Variants in EFCAB6 observed in about 807,000 individuals in gnomAD.
The protein encoded by EFCAB6 is EF-hand calcium-binding domain-containing protein 6.
Under a neutral mutation model 169.8 loss-of-function variants are expected in EFCAB6, and 156 were observed. The ratio of observed to expected loss-of-function variants is 0.92; its 90% CI spans 0.81 to 1.05. The LOEUF (loss-of-function observed/expected upper bound fraction) is 1.05, where lower values mean the gene tolerates loss of function less well. Among genes scored for constraint, EFCAB6 ranks in the 50% least tolerant of loss-of-function variants. The probability of loss-of-function intolerance (pLI) is 0.00; values close to 1 mark genes in which losing one functional copy is unlikely to be tolerated. For missense variants in EFCAB6, 1,800 were observed against 1,829.1 expected (o/e 0.98, Z 0.29); for synonymous variants, 698 against 676.4 (o/e 1.03, Z -0.50).
intron 21 of EFCAB6, among the ~76,000 whole-genome samples, chr22:43,609,159 T>C (rs1363475150): frequency 6.6e-6 from 1 of 152,228 alleles, no homozygotes; most frequent in Non-Finnish European, 1.5e-5. Flanking sequence ...TTTAATCTTC[T>C]TCATAACAAC....
chr22:43,612,644 C>A (rs1165334875), intron 21 of EFCAB6, among the ~76,000 whole-genome samples: 2 of 152,116 alleles, frequency 1.3e-5, no homozygotes, highest in Non-Finnish European at 2.9e-5. Flanking sequence ...GTAATTCCAG[C>A]ACTTTGGGAG....
At chr22:43,721,869 C>T (rs2059540455) in intron 8 of EFCAB6, among the ~76,000 whole-genome samples, 1 of 151,960 alleles carries the variant, frequency 6.6e-6, no homozygotes, top group Non-Finnish European at 1.5e-5. Context: ...AAAGCAATTG[C>T]AACAAAAATA....
chr22:43,642,778 T>A (rs76890266), intron 17 of EFCAB6, among the ~76,000 whole-genome samples: 2,853 of 152,210 alleles, frequency 0.019, 92 homozygotes, highest in African/African-American at 0.065. Flanking sequence ...GGGGTGACAA[T>A]CAAGACGCCA....
chr22:43,541,442 G>A (rs371913916), intron 27 of EFCAB6, among the ~76,000 whole-genome samples: 2 of 152,188 alleles, frequency 1.3e-5, no homozygotes, highest in African/African-American at 4.8e-5. Flanking sequence ...AGTACAGTGA[G>A]GTCCCTGCAC....
intron 8 of EFCAB6, among the ~76,000 whole-genome samples, chr22:43,724,372 T>TC (rs963024857): frequency 1.3e-5 from 2 of 148,232 alleles, no homozygotes; most frequent in African/African-American, 2.5e-5. Context: ...TTTTTCTTTT[T>TC]TTTTTTTTTT....
rs1569257466 is a variant in EFCAB6, at chr22:43,618,218, GAAAGA to G, written c.2466-2301_2466-2297del. Among the ~76,000 whole-genome samples, 162 of 135,726 alleles carry G rather than the reference GAAAGA, an allele frequency of 1.2e-3. 6 individuals carry two copies. Among genetic ancestry groups the G allele is most frequent in the South Asian group, 5.2e-3 (20 of 3,864 alleles). 89.0% of individuals were successfully genotyped at this position (135,726 alleles called of 152,430 possible). On this transcript the variant is annotated intron_variant, in intron 20 of 31. Coordinates refer to ENST00000262726, the MANE Select transcript of EFCAB6 (RefSeq NM_022785.4). ...AGAAAGAAAGAAAGAAAGAAAGAAA[GAAAGA>G]GAAAGAAAGAAAGAGAGAGAAAGAG... is the stretch of plus-strand genomic sequence containing the variant.
intron 2 of EFCAB6, among the ~76,000 whole-genome samples, chr22:43,788,615 C>A (rs1246383112): frequency 6.6e-6 from 1 of 152,160 alleles, no homozygotes; most frequent in Admixed American, 6.5e-5. Context: ...TATTGGAATT[C>A]TCATATTACT....
intron 17 of EFCAB6, among the ~76,000 whole-genome samples, chr22:43,663,859 A>G (rs1481021400): frequency 6.6e-6 from 1 of 152,118 alleles, no homozygotes; most frequent in African/African-American, 2.4e-5. Flanking sequence ...GCATGCTGGC[A>G]CCTGAGCCTG....
intron 24 of EFCAB6, among the ~76,000 whole-genome samples, chr22:43,588,888 T>C (rs1458990260): frequency 6.6e-6 from 1 of 152,014 alleles, no homozygotes; most frequent in Non-Finnish European, 1.5e-5. Context: ...TCACAGCAAA[T>C]GTAGATCTAG....
chr22:43,629,467 G>T (rs1014943305), intron 19 of EFCAB6, among the ~76,000 whole-genome samples: 1 of 152,182 alleles, frequency 6.6e-6, no homozygotes, highest in Non-Finnish European at 1.5e-5. Context: ...CCTCCAGTTC[G>T]CTGCCCAGCA....
intron 31 of EFCAB6, 118 bp from the exon 32 acceptor site, chr22:43,529,093 T>C: frequency 8.2e-7 from 1 of 1,215,656 alleles, no homozygotes; most frequent in Non-Finnish European, 1.1e-6. Context: ...ACTTCCGATG[T>C]CAGCCTCCCA....
At chr22:43,561,798 T>C (rs1329772487) in intron 26 of EFCAB6, among the ~76,000 whole-genome samples, 1 of 152,192 alleles carries the variant, frequency 6.6e-6, no homozygotes, top group African/African-American at 2.4e-5. Flanking sequence ...ATAATGCTTT[T>C]TCTATAACTA....
intron 26 of EFCAB6, among the ~76,000 whole-genome samples, chr22:43,563,462 G>T (rs991986117): frequency 2.0e-5 from 3 of 152,196 alleles, no homozygotes; most frequent in Non-Finnish European, 2.9e-5. Flanking sequence ...CTACTTGGGA[G>T]GCTGAGGTGG....
intron 8 of EFCAB6, 82 bp from the exon 9 acceptor site, chr22:43,717,054 G>C (rs2059355827): frequency 1.1e-5 from 15 of 1,375,414 alleles, no homozygotes; most frequent in Non-Finnish European, 1.4e-5. Flanking sequence ...ATCATTACTT[G>C]TTTGGTAAAA....
intron 13 of EFCAB6, among the ~76,000 whole-genome samples, chr22:43,675,573 T>TA (rs2057719068): frequency 6.9e-6 from 1 of 144,732 alleles, no homozygotes; most frequent in Non-Finnish European, 1.5e-5. Flanking sequence ...CCAGATATAG[T>TA]ATATTTATAT....
intron 24 of EFCAB6, among the ~76,000 whole-genome samples, chr22:43,588,392 G>A (rs2051224735): frequency 1.3e-5 from 2 of 152,132 alleles, no homozygotes; most frequent in African/African-American, 4.8e-5. Flanking sequence ...GCGCATCCAT[G>A]AAACAAGAGT....
chr22:43,789,971 G>A (rs898815251), intron 2 of EFCAB6, among the ~76,000 whole-genome samples: 3 of 151,962 alleles, frequency 2.0e-5, no homozygotes, highest in Non-Finnish European at 2.9e-5. Context: ...GGCACTATAC[G>A]AGTATACAGA....
At chr22:43,672,389 A>G in intron 13 of EFCAB6, 84 bp from the exon 14 acceptor site, 1 of 1,431,828 alleles carries the variant, frequency 7.0e-7, no homozygotes, top group Non-Finnish European at 9.7e-7. Flanking sequence ...CCTGGACTGG[A>G]ATCCTAGCTC....
chr22:43,772,929 G>A lies in EFCAB6; in HGVS notation c.314C>T (p.Pro105Leu), dbSNP rs193920984. The A allele has an allele frequency of 6.2e-6, 10 of 1,614,018 alleles. No individual in the cohort carries two copies. Among genetic ancestry groups the A allele is most frequent in the African/African-American group, 2.7e-5 (2 of 74,918 alleles). Residue 105 changes from proline to leucine, a missense_variant, in exon 4 of 32, where the codon CCG (proline) becomes CTG (leucine). Coordinates refer to ENST00000262726, the MANE Select transcript of EFCAB6 (RefSeq NM_022785.4). ...GTCCTGAAACTGTTCTCGTGTGAGCGGCATCAGGAAGTCTGTGATGATTCT... is the reference window on the plus strand; with the variant it reads ...GTCCTGAAACTGTTCTCGTGTGAGCAGCATCAGGAAGTCTGTGATGATTCT... ...LRRIITDFLM[P>L]LTREQFQDVL...
Sources: allele counts gnomAD v4.1 joint callset (sites outside exome capture counted in the v4.1 genomes callset), GRCh38; gene constraint gnomAD v4.1.1; transcripts MANE v1.5; gene names NCBI Gene and HGNC (gene_info 2026-07-23, HGNC 2026-07-21).